Variants in SATB2 observed in about 807,000 individuals in gnomAD.
The protein encoded by SATB2 is DNA-binding protein SATB2.
Under a neutral mutation model 73.4 loss-of-function variants are expected in SATB2, and 1 was observed. The observed-to-expected ratio is 0.01, with a 90% CI of 0.00 to 0.06. SATB2 has a LOEUF of 0.06. Ranked by LOEUF, SATB2 falls within the 10% of genes least tolerant of loss-of-function variation. SATB2 has a pLI of 1.00. For missense variants in SATB2, 459 were observed against 945.8 expected, an observed-to-expected ratio of 0.49 and a Z score of 6.75; for synonymous variants, 397 against 367.0, an observed-to-expected ratio of 1.08 and a Z score of -0.93.
chr2:199,362,476 C>T (rs959089407), intron 6 of SATB2, among the ~76,000 whole-genome samples: 2 of 151,520 alleles, frequency 1.3e-5, no homozygotes, highest in African/African-American at 2.4e-5. Flanking sequence ...ACAGCTGCTT[C>T]CCCTGCCAGG....
chr2:199,274,168 T>C (rs566190873), intron 10 of SATB2, among the ~76,000 whole-genome samples: 4 of 152,218 alleles, frequency 2.6e-5, no homozygotes, highest in Non-Finnish European at 4.4e-5. Context: ...CTTTTTCATT[T>C]TAGAATAACA....
In SATB2 at chr2:199,414,938, A is replaced by G. The variant is rs559493416; in HGVS notation, c.346+18400T>C. The stretch of plus-strand genomic sequence containing the variant: ...TGTGACAGAGAGCCAGGACAAGGCA[A>G]AACGGCAGTCTTCCCATAAAGCAAA... On this transcript the variant is annotated intron_variant, in intron 3 of 10. Coordinates refer to ENST00000417098, the MANE Select transcript of SATB2 (RefSeq NM_001172509.2). 2.0e-5 allele frequency among the ~76,000 whole-genome samples: 3 copies of G among 152,316 alleles called. No individual in the cohort carries two copies. In the South Asian group the frequency reaches 6.2e-4, roughly 32 times the overall value.
In SATB2 at chr2:199,457,268, G is replaced by A. The variant is rs995430364; in HGVS notation, c.-60+71C>T. ...CCGAGAGGCCGAGAGCGGCGGGGAG[G>A]GGACTTCGTTGGCCCTGGGCTTCCC... On this transcript the variant is annotated intron_variant, in intron 1 of 10. Coordinates refer to ENST00000417098, the MANE Select transcript of SATB2 (RefSeq NM_001172509.2). The surrounding 1 kb of genome is among the most constrained non-coding windows in gnomAD (Gnocchi z 4.8). 2 of 152,302 alleles carry A rather than the reference G, an allele frequency of 1.3e-5. No individual in the cohort carries two copies. The highest frequency in any genetic ancestry group is 4.8e-5 in the African/African-American group (2 of 41,456). 9.4% of individuals were successfully genotyped at this position (152,302 alleles called of 1,614,324 possible). A position where few individuals can be genotyped will look rare whatever the true frequency, so the allele number is the denominator to read the frequency against.
intron 10 of SATB2, among the ~76,000 whole-genome samples, chr2:199,293,023 T>C (rs1692917932): frequency 6.6e-6 from 1 of 152,178 alleles, no homozygotes; most frequent in Non-Finnish European, 1.5e-5. Flanking sequence ...TTCAAAAGCC[T>C]TAGGGGAATT....
At chr2:199,363,108 A>C (rs1296438537) in intron 6 of SATB2, among the ~76,000 whole-genome samples, 1 of 152,202 alleles carries the variant, frequency 6.6e-6, no homozygotes, top group Non-Finnish European at 1.5e-5. Flanking sequence ...CATGCAAGGA[A>C]TTAGTCCATG....
At chr2:199,364,856 T>A (rs888682768) in intron 6 of SATB2, among the ~76,000 whole-genome samples, 2 of 152,140 alleles carry the variant, frequency 1.3e-5, no homozygotes, top group African/African-American at 2.4e-5. Flanking sequence ...AAAGATTCTT[T>A]ATTAAGGCGT....
intron 6 of SATB2, among the ~76,000 whole-genome samples, chr2:199,357,260 C>A (rs1226363720): frequency 6.6e-6 from 1 of 152,178 alleles, no homozygotes; most frequent in Non-Finnish European, 1.5e-5. Context: ...ATGGATAAGT[C>A]ATCTGAATGG....
chr2:199,415,465 A>G (rs1429419068), intron 3 of SATB2, among the ~76,000 whole-genome samples: 1 of 152,224 alleles, frequency 6.6e-6, no homozygotes, highest in African/African-American at 2.4e-5. Context: ...GCTATGTATA[A>G]TATCATGTTT....
At chr2:199,468,652 C>T (rs1324876639), upstream of SATB2, among the ~76,000 whole-genome samples, 2 of 152,206 alleles carry the variant, frequency 1.3e-5, no homozygotes, top group South Asian at 2.1e-4. Context: ...GCTCCATAGC[C>T]GAGGGGTAGA....
chr2:199,453,545 T>TA (rs907560422), intron 2 of SATB2, among the ~76,000 whole-genome samples: 3 of 152,152 alleles, frequency 2.0e-5, no homozygotes, highest in South Asian at 2.1e-4. Flanking sequence ...CCTTTAATTA[T>TA]AAAAAAACTA....
chr2:199,307,224 T>C (rs562996646), intron 10 of SATB2, among the ~76,000 whole-genome samples: 24 of 152,306 alleles, frequency 1.6e-4, no homozygotes, highest in African/African-American at 5.5e-4. Flanking sequence ...TCAAAGAGTA[T>C]GTTATGAAAT....
intron 9 of SATB2, among the ~76,000 whole-genome samples, chr2:199,316,071 G>A (rs1574498296): frequency 6.6e-6 from 1 of 152,138 alleles, no homozygotes; most frequent in East Asian, 1.9e-4. Flanking sequence ...TATCTCAAAA[G>A]GAAACTCATA....
chr2:199,453,766 G>A (rs1692196421), intron 2 of SATB2, among the ~76,000 whole-genome samples: 1 of 151,878 alleles, frequency 6.6e-6, no homozygotes, highest in Non-Finnish European at 1.5e-5. Context: ...CTTCTAAGTT[G>A]TTATATTCTA....
chr2:199,448,039 T>C (rs892213549), intron 2 of SATB2, among the ~76,000 whole-genome samples: 9 of 152,228 alleles, frequency 5.9e-5, no homozygotes, highest in African/African-American at 2.2e-4. Flanking sequence ...TTTCTTTTAC[T>C]ACGACACTTA....
rs188583883 is a variant in SATB2, at chr2:199,369,034, C to T, written c.598-327G>A. 2.1e-5 allele frequency: 5 copies of T among 240,406 alleles called. No individual in the cohort carries two copies. In the East Asian group the frequency reaches 5.3e-4, roughly 26 times the overall value. The allele number at this position is 240,406 out of a possible 1,614,324, so 14.9% of individuals were successfully genotyped here. A position where few individuals can be genotyped will look rare whatever the true frequency, so the allele number is the denominator to read the frequency against. On this transcript the variant is annotated intron_variant, in intron 5 of 10. Transcript: ENST00000417098. ...AGGTGAGATCAGATGCTCCAGCATC[C>T]GTAATCCAAATAATGCCTTTCAGAT...
chr2:199,421,244 C>T (rs143549520), intron 3 of SATB2, among the ~76,000 whole-genome samples: 3 of 152,162 alleles, frequency 2.0e-5, no homozygotes, highest in African/African-American at 4.8e-5. Flanking sequence ...AGCTGGGTCA[C>T]GTTAGAATTA....
chr2:199,431,398 T>A (rs193295149), intron 3 of SATB2, among the ~76,000 whole-genome samples: 32 of 151,314 alleles, frequency 2.1e-4, no homozygotes, highest in South Asian at 1.0e-3. Context: ...ACAAACTGAT[T>A]TTTTTCTTTG....
chr2:199,335,343 A>G (rs1052158085), intron 7 of SATB2, among the ~76,000 whole-genome samples: 36 of 152,200 alleles, frequency 2.4e-4, no homozygotes, highest in Non-Finnish European at 2.1e-4. Flanking sequence ...ACATTTGCAG[A>G]CAAATGTTGT....
chr2:199,290,303 G>T (rs1692818580), intron 10 of SATB2, among the ~76,000 whole-genome samples: 1 of 152,192 alleles, frequency 6.6e-6, no homozygotes, highest in African/African-American at 2.4e-5. Flanking sequence ...ATAGCTATCT[G>T]CTCTCATATC....
Sources: allele counts gnomAD v4.1 joint callset (sites outside exome capture counted in the v4.1 genomes callset), GRCh38; gene constraint gnomAD v4.1.1; non-coding constraint Gnocchi (gnomAD v3.1); transcripts MANE v1.5; gene names NCBI Gene and HGNC (gene_info 2026-07-23, HGNC 2026-07-21).